ZBTB49: variants seen among roughly 807,000 people sequenced by gnomAD.
ZBTB49 encodes zinc finger and BTB domain-containing protein 49.
Under a neutral mutation model 57.5 loss-of-function variants are expected in ZBTB49, and 43 were observed. That is an observed-to-expected ratio of 0.75 (90% CI 0.59 to 0.97). The LOEUF (loss-of-function observed/expected upper bound fraction) is 0.97. Ranked by LOEUF, ZBTB49 falls within the 50% of genes least tolerant of loss-of-function variation. The probability of loss-of-function intolerance (pLI) is 0.00; values close to 1 mark genes in which losing one functional copy is unlikely to be tolerated. For synonymous variants in ZBTB49, 369 were observed against 362.1 expected, an observed-to-expected ratio of 1.02 and a Z score of -0.22; for missense variants, 938 against 947.7, an observed-to-expected ratio of 0.99 and a Z score of 0.13.
chr4:4,309,749 G>A (rs1314976969), intron 4 of ZBTB49, among the ~76,000 whole-genome samples: 1 of 152,300 alleles, frequency 6.6e-6, no homozygotes, highest in East Asian at 1.9e-4. Context: ...GCCATCCATG[G>A]TGGAAACACA....
In ZBTB49 at chr4:4,315,802, T is replaced by A; in HGVS notation, c.1460-7T>A. 6.2e-7 allele frequency: 1 copy of A among 1,614,018 alleles called. No homozygotes were observed. The highest frequency in any genetic ancestry group is 2.2e-5 in the East Asian group (1 of 44,880). On this transcript the variant is annotated splice_region_variant and splice_polypyrimidine_tract_variant and intron_variant, in intron 6 of 7. Coordinates refer to ENST00000337872, the MANE Select transcript of ZBTB49 (RefSeq NM_145291.4). ...CTTCAGCTTAACACCTGTTATGGTC[T>A]CTCTAGGGTTTAGTAACTTCAGTAA...
intron 4 of ZBTB49, among the ~76,000 whole-genome samples, chr4:4,310,812 C>T (rs1720956975): frequency 6.6e-6 from 1 of 152,170 alleles, no homozygotes; most frequent in South Asian, 2.1e-4. Flanking sequence ...AGCCACTGCG[C>T]CCGGCCTACT....
intron 7 of ZBTB49, among the ~76,000 whole-genome samples, chr4:4,316,490 A>G (rs184223379): frequency 1.0e-3 from 153 of 152,324 alleles, no homozygotes; most frequent in African/African-American, 3.5e-3. Flanking sequence ...AGGGTAAGGT[A>G]GCTCATGACC....
chr4:4,309,938 T>C (rs1244394686), intron 4 of ZBTB49, among the ~76,000 whole-genome samples: 1 of 152,268 alleles, frequency 6.6e-6, no homozygotes, highest in Non-Finnish European at 1.5e-5. Context: ...TGTGAAATCC[T>C]AAAGTCTTGA....
At chr4:4,312,426 G>A (rs1371164151) in intron 4 of ZBTB49, among the ~76,000 whole-genome samples, 2 of 152,158 alleles carry the variant, frequency 1.3e-5, no homozygotes, top group Admixed American at 6.5e-5. Context: ...TCTTCGCAAA[G>A]CCTTGCTAGT....
At chr4:4,303,729 T>TCC (rs1720608237) in intron 3 of ZBTB49, among the ~76,000 whole-genome samples, 1 of 39,670 alleles carries the variant, frequency 2.5e-5, no homozygotes, top group African/African-American at 6.9e-5. Flanking sequence ...TAAGGTATTC[T>TCC]CTCTCTCTCT....
At chr4:4,308,912 T>G (rs1354308729) in intron 4 of ZBTB49, among the ~76,000 whole-genome samples, 2 of 152,196 alleles carry the variant, frequency 1.3e-5, no homozygotes, top group Non-Finnish European at 2.9e-5. Flanking sequence ...ATTGCTTAGG[T>G]GAGCCCTGCA....
In ZBTB49 at chr4:4,290,253, T is replaced by A. The variant is rs1267234723; in HGVS notation, c.-119T>A. ...CGGTTCCGGCAAGCCAAGGGGGCGT[T>A]GTCGTGATGATTCCGCGGCCAGCGG... On this transcript the variant is annotated 5_prime_UTR_variant, in exon 1 of 8. Transcript: ENST00000337872. The A allele has an allele frequency of 6.6e-6, 1 of 151,822 alleles. No homozygotes were observed. The highest frequency in any genetic ancestry group is 2.4e-5 in the African/African-American group (1 of 41,046). 9.4% of individuals were successfully genotyped at this position (151,822 alleles called of 1,614,324 possible). A position where few individuals can be genotyped will look rare whatever the true frequency, so the allele number is the denominator to read the frequency against.
chr4:4,315,179 C>T (rs1721134728), intron 5 of ZBTB49, among the ~76,000 whole-genome samples: 1 of 152,226 alleles, frequency 6.6e-6, no homozygotes, highest in South Asian at 2.1e-4. Flanking sequence ...GCAGAACTCA[C>T]TCTGGGCCCT....
intron 2 of ZBTB49, 48 bp downstream of exon 2, chr4:4,300,145 C>G: frequency 6.3e-7 from 1 of 1,596,484 alleles, no homozygotes; most frequent in African/African-American, 1.3e-5. Flanking sequence ...AAGGGTAAAG[C>G]TCTTTTAGTA....
chr4:4,305,476 C>G (rs544173213), intron 3 of ZBTB49, among the ~76,000 whole-genome samples: 1 of 152,240 alleles, frequency 6.6e-6, no homozygotes, highest in South Asian at 2.1e-4. Context: ...TTCTGTAGGC[C>G]ACATTTCAGA....
chr4:4,298,617 G>A (rs924137484), intron 1 of ZBTB49, among the ~76,000 whole-genome samples: 1 of 152,042 alleles, frequency 6.6e-6, no homozygotes, highest in African/African-American at 2.4e-5. Context: ...TTTTCATAGA[G>A]ACAGGGTCTC....
rs74875689 is a variant in ZBTB49, at chr4:4,319,521, G to C, written c.1622-1119G>C. Among the ~76,000 whole-genome samples, 4,598 of 152,236 alleles carry C rather than the reference G, an allele frequency of 0.03. 413 individuals carry two copies. In the East Asian group the frequency reaches 0.32, roughly 11 times the overall value. On this transcript the variant is annotated intron_variant, in intron 7 of 7. Transcript: ENST00000337872. ...CCTGGACAGGAATGCATAACATTTTGTTAAAAGCTGAATACAGGGCCAGGC... is the reference window on the plus strand; with the variant it reads ...CCTGGACAGGAATGCATAACATTTTCTTAAAAGCTGAATACAGGGCCAGGC...
chr4:4,302,294 C>G lies in ZBTB49; in HGVS notation c.458C>G (p.Pro153Arg), dbSNP rs750337660. The part of the protein sequence containing the change: ...DATCVISENY[P>R]PHLLQECSAD... ...ACTTGTGTTATCAGTGAAAACTACC[C>G]CCCTCATTTACTGCAGGAATGTTCA... The change falls in exon 3 of 8, where the codon CCC becomes CGC. Residue 153 changes from proline (P) to arginine (R), a missense_variant. Physicochemically the swap from Pro to Arg is moderately radical, Grantham distance 103 (BLOSUM62 -2). Coordinates refer to ENST00000337872, the MANE Select transcript of ZBTB49 (RefSeq NM_145291.4). The G allele has an allele frequency of 3.1e-6, 5 of 1,613,944 alleles. No individual in the cohort carries two copies. The Admixed American group carries it at 6.7e-5, about 22-fold the overall frequency.
intron 4 of ZBTB49, among the ~76,000 whole-genome samples, chr4:4,312,514 T>C (rs761713604): frequency 5.3e-5 from 8 of 152,124 alleles, no homozygotes; most frequent in African/African-American, 9.7e-5. Context: ...TGCACAAAGG[T>C]AAAATTGAGA....
chr4:4,302,858 G>A lies in ZBTB49; in HGVS notation c.1022G>A (p.Ser341Asn). The A allele has an allele frequency of 6.2e-7, 1 of 1,613,778 alleles. No homozygotes were observed. Among genetic ancestry groups the A allele is most frequent in the East Asian group, 2.2e-5 (1 of 44,884 alleles). ...DGLTKRLESASKNTLEKASSQ... is the reference protein window; with the variant it reads ...DGLTKRLESANKNTLEKASSQ... ...TTGACAAAGAGGTTGGAATCTGCTA[G>A]TAAAAATACCCTAGAGAAAGCTAGC... Residue 341 changes from serine (S) to asparagine (N), a missense_variant, in exon 3 of 8, where the codon AGT becomes AAT. Ser to Asn is a conservative substitution (Grantham distance 46). Coordinates refer to ENST00000337872, the MANE Select transcript of ZBTB49 (RefSeq NM_145291.4).
At chr4:4,318,609 A>G (rs1721281531) in intron 7 of ZBTB49, among the ~76,000 whole-genome samples, 1 of 152,210 alleles carries the variant, frequency 6.6e-6, no homozygotes, top group South Asian at 2.1e-4. Context: ...CTCCATCTCA[A>G]AAACAAAAAC....
rs1156362201 is a variant in ZBTB49, at chr4:4,315,880, G to T, written c.1531G>T (p.Glu511Ter). Residue 511 changes from glutamate to a stop codon, truncating the protein, a stop_gained, in exon 7 of 8, where the codon GAG (glutamate) becomes TAG (stop). Coordinates refer to ENST00000337872, the MANE Select transcript of ZBTB49 (RefSeq NM_145291.4). LOFTEE classifies it high-confidence loss of function. ...HTADKVFTCD[E>*]CGKSFNMQRK... The stretch of plus-strand genomic sequence containing the variant: ...GGCTGATAAAGTCTTCACCTGTGAT[G>T]AGTGTGGAAAGTCTTTTAATATGCA... 6.2e-7 allele frequency: 1 copy of T among 1,614,222 alleles called. No homozygotes were observed.
At position 4,315,685 on chromosome 4, in the gene ZBTB49, G is replaced by A; in HGVS notation, c.1426G>A (p.Glu476Lys). The A allele has an allele frequency of 6.2e-7, 1 of 1,614,196 alleles. No individual in the cohort carries two copies. Among genetic ancestry groups the A allele is most frequent in the Non-Finnish European group, 8.5e-7 (1 of 1,180,028 alleles). The change falls in exon 6 of 8, where the codon GAA becomes AAA. Residue 476 changes from glutamate to lysine, a missense_variant. Around this residue, in one of 3 missense-constraint regions of ZBTB49, gnomAD observed 835 missense variants for 819.1 expected, o/e 1.02. Coordinates refer to ENST00000337872, the MANE Select transcript of ZBTB49 (RefSeq NM_145291.4). ...GCGTCACATTATTATTCACTCAGGA[G>A]AAAAACCACACTTGTGTGACATCTG... ...VQRHIIIHSG[E>K]KPHLCDICGR...
Sources: gnomAD v4.1 joint callset for allele counts (sites outside exome capture counted in the v4.1 genomes callset) on GRCh38, gnomAD v4.1.1 for gene constraint, gnomAD v4.1.1 regional missense constraint, MANE v1.5 for transcripts, NCBI Gene and HGNC (gene_info 2026-07-23, HGNC 2026-07-21) for gene names.